KLK3: variants seen among roughly 807,000 people sequenced by gnomAD.
The protein encoded by KLK3 is kallikrein related peptidase 3.
KLK3 carries 23 observed loss-of-function variants against 27.7 expected under a neutral mutation model. The observed-to-expected ratio is 0.83, with a 90% confidence interval of 0.60 to 1.17. The LOEUF is 1.17. Among genes scored for constraint, KLK3 ranks in the 50% most tolerant of loss-of-function variants. The pLI is 0.00. For missense variants in KLK3, 322 were observed against 338.1 expected (o/e 0.95, Z 0.37); for synonymous variants, 142 against 134.2 (o/e 1.06, Z -0.40).
Position 50,860,695 on chromosome 19 carries a change from C to T in KLK3, c.*568C>T, listed in dbSNP as rs2090180361. The T allele has an allele frequency of 6.6e-6, 1 of 152,166 alleles. No homozygotes were observed. The highest frequency in any genetic ancestry group is 2.1e-4 in the South Asian group (1 of 4,818). 9.4% of individuals were successfully genotyped at this position (152,166 alleles called of 1,614,324 possible). On this transcript the variant is annotated 3_prime_UTR_variant, in exon 5 of 5. Coordinates refer to ENST00000326003, the MANE Select transcript of KLK3 (RefSeq NM_001648.2). ...ACTATGGGGGGAGGTGTATTGAAGT[C>T]CTCCAGACAACCCTCAGATTTGATG...
chr19:50,858,341 C>T lies in KLK3; in HGVS notation c.493+26C>T, dbSNP rs3180905. The T allele has an allele frequency of 1.0e-3, 1,679 of 1,605,636 alleles. 14 individuals carry two copies. The African/African-American group carries it at 0.019, about 18-fold the overall frequency. ...GTACGCCTGGGCCAGATGGTGCAGC[C>T]GGGAGCCCAGATGCCTGGGTCTGAG... is the stretch of plus-strand genomic sequence containing the variant. On this transcript the variant is annotated intron_variant, in intron 3 of 4. Transcript: ENST00000326003.
At chr19:50,856,144 G>A in intron 1 of KLK3, 96 bp from the exon 2 acceptor site, 1 of 1,122,598 alleles carries the variant, frequency 8.9e-7, no homozygotes, top group South Asian at 1.4e-5. Context: ...CTGCCCCCGT[G>A]TCTTTTCAAA....
In KLK3 at chr19:50,860,021, C is replaced by T. The variant is rs138882542; in HGVS notation, c.680C>T (p.Thr227Met). Residue 227 changes from threonine to methionine, a missense_variant, in exon 5 of 5, where the codon ACG (threonine) becomes ATG (methionine). Physicochemically the swap from Thr to Met is moderately conservative, Grantham distance 81. Transcript: ENST00000326003. ...LVCNGVLQGITSWGSEPCALP... is the reference protein window; with the variant it reads ...LVCNGVLQGIMSWGSEPCALP... The stretch of plus-strand genomic sequence containing the variant: ...TGTAATGGTGTGCTTCAAGGTATCA[C>T]GTCATGGGGCAGTGAACCATGTGCC... 5.3e-4 allele frequency: 853 copies of T among 1,614,092 alleles called. 4 individuals carry two copies. The highest frequency in any genetic ancestry group is 1.2e-3 in the South Asian group (109 of 91,084).
intron 2 of KLK3, chr19:50,856,836 C>T (rs112526646): frequency 0.012 from 1,895 of 160,664 alleles, 62 homozygotes; most frequent in Admixed American, 0.07. Context: ...ACTGAGCACA[C>T]GCATGGGATG....
At chr19:50,858,773 A>G (rs2090166110) in intron 4 of KLK3, 178 bp downstream of exon 4, 2 of 678,492 alleles carry the variant, frequency 2.9e-6, no homozygotes, top group Admixed American at 2.8e-5. Flanking sequence ...CCTCAAGGCA[A>G]TAGGTTATTC....
In KLK3 at chr19:50,860,354, T is replaced by C; in HGVS notation, c.*227T>C. ...CTGGCCATGCCTGGAGACATATCACTCAATTTCTCTGAGGACACAGATAGG... is the reference window on the plus strand; with the variant it reads ...CTGGCCATGCCTGGAGACATATCACCCAATTTCTCTGAGGACACAGATAGG... On this transcript the variant is annotated 3_prime_UTR_variant, in exon 5 of 5. Transcript: ENST00000326003. The C allele has an allele frequency of 2.3e-6, 1 of 433,988 alleles. No individual in the cohort carries two copies. Among genetic ancestry groups the C allele is most frequent in the Non-Finnish European group, 4.2e-6 (1 of 240,660 alleles). The allele number at this position is 433,988 out of a possible 1,614,324, so 26.9% of individuals were successfully genotyped here.
rs768134516 is a variant in KLK3, at chr19:50,858,056, C to T, written c.234C>T (p.His78=). The T allele has an allele frequency of 3.7e-6, 6 of 1,612,964 alleles. No homozygotes were observed. The highest frequency in any genetic ancestry group is 5.1e-6 in the Non-Finnish European group (6 of 1,179,818). The change falls in exon 3 of 5, where the codon CAC becomes CAT. Residue 78 remains histidine, a synonymous_variant. Coordinates refer to ENST00000326003, the MANE Select transcript of KLK3 (RefSeq NM_001648.2). Reference sequence around the variant, plus strand: ...AAAGCGTGATCTTGCTGGGTCGGCACAGCCTGTTTCATCCTGAAGACACAG... The same window carrying T: ...AAAGCGTGATCTTGCTGGGTCGGCATAGCCTGTTTCATCCTGAAGACACAG... ...RNKSVILLGR[H]SLFHPEDTGQ... is the part of the protein sequence containing the mutation.
intron 4 of KLK3, chr19:50,858,996 G>A: frequency 3.0e-6 from 1 of 332,498 alleles, no homozygotes; most frequent in Non-Finnish European, 5.5e-6. Flanking sequence ...CAGGCTCTCG[G>A]GGAGGGAGAA....
intron 1 of KLK3, chr19:50,855,409 C>A (rs2123455974): frequency 5.5e-6 from 1 of 183,184 alleles, no homozygotes; most frequent in Non-Finnish European, 1.1e-5. Context: ...AGTCTACTGA[C>A]TTTTCCCATT....
chr19:50,860,176 A>G lies in KLK3; in HGVS notation c.*49A>G. ...TAGTAAACTTGGAACCTTGGAAATG[A>G]CCAGGCCAAGACTCAAGCCTCCCCA... On this transcript the variant is annotated 3_prime_UTR_variant, in exon 5 of 5. Transcript: ENST00000326003. The G allele has an allele frequency of 6.8e-7, 1 of 1,473,882 alleles. No homozygotes were observed. Among genetic ancestry groups the G allele is most frequent in the South Asian group, 1.2e-5 (1 of 83,840 alleles). The allele number at this position is 1,473,882 out of a possible 1,614,324, so 91.3% of individuals were successfully genotyped here.
Position 50,860,434 on chromosome 19 carries a change from C to T in KLK3, c.*307C>T, listed in dbSNP as rs1300594678. 6.3e-5 allele frequency: 16 copies of T among 253,468 alleles called. No homozygotes were observed. In the East Asian group the frequency reaches 1.2e-3, roughly 20 times the overall value. The allele number at this position is 253,468 out of a possible 1,614,324, so 15.7% of individuals were successfully genotyped here. ...AGAGATGAAAGAGGGGTGGGATCCA[C>T]ACTGAGAGAGTGGAGAGTGACATGT... On this transcript the variant is annotated 3_prime_UTR_variant, in exon 5 of 5. Transcript: ENST00000326003.
Position 50,856,404 on chromosome 19 carries a change from G to A in KLK3, c.206+5G>A, listed in dbSNP as rs766895590. ...AGCTGCCCACTGCATCAGGAAGTGA[G>A]TAGGGGCCTGGGGTCTGGGGAGCAG... On this transcript the variant is annotated splice_donor_5th_base_variant and intron_variant, in intron 2 of 4. Coordinates refer to ENST00000326003, the MANE Select transcript of KLK3 (RefSeq NM_001648.2). 6.2e-7 allele frequency: 1 copy of A among 1,613,356 alleles called. No individual in the cohort carries two copies. Among genetic ancestry groups the A allele is most frequent in the Non-Finnish European group, 8.5e-7 (1 of 1,179,700 alleles).
In KLK3 at chr19:50,858,525, T is replaced by C; in HGVS notation, c.560T>C (p.Val187Ala). Residue 187 changes from valine (V) to alanine (A), a missense_variant, in exon 4 of 5, where the codon GTT becomes GCT. Transcript: ENST00000326003. ...ATTTCCAATGACGTGTGTGCGCAAGTTCACCCTCAGAAGGTGACCAAGTTC... is the reference window on the plus strand; with the variant it reads ...ATTTCCAATGACGTGTGTGCGCAAGCTCACCCTCAGAAGGTGACCAAGTTC... ...HVISNDVCAQ[V>A]HPQKVTKFML... is the part of the protein sequence containing the mutation. 2 of 1,614,188 alleles carry C rather than the reference T, an allele frequency of 1.2e-6. No homozygotes were observed. Among genetic ancestry groups the C allele is most frequent in the South Asian group, 1.1e-5 (1 of 91,078 alleles).
chr19:50,857,996 C>T (rs746688895), intron 2 of KLK3, 33 bp from the exon 3 acceptor site: 541 of 1,575,838 alleles, frequency 3.4e-4, no homozygotes, highest in Non-Finnish European at 4.2e-4. Flanking sequence ...TTATCATCCT[C>T]GCTCCTCATT....
intron 2 of KLK3, chr19:50,857,812 C>T: frequency 9.1e-6 from 5 of 547,654 alleles, no homozygotes; most frequent in Non-Finnish European, 9.6e-6. Flanking sequence ...TTCCTTTTTC[C>T]CTTGGTTTCT....
intron 2 of KLK3, 181 bp downstream of exon 2, chr19:50,856,580 G>T (rs1165463405): frequency 4.8e-6 from 3 of 622,002 alleles, no homozygotes; most frequent in Non-Finnish European, 8.2e-6. Flanking sequence ...ATGGCTGCCT[G>T]GGTCTCCATC....
Position 50,857,747 on chromosome 19 carries a change from T to C in KLK3, c.207-282T>C, listed in dbSNP as rs1324500111. 8.5e-6 allele frequency: 3 copies of C among 353,012 alleles called. No individual in the cohort carries two copies. The East Asian group carries it at 1.4e-4, about 17-fold the overall frequency. 21.9% of individuals were successfully genotyped at this position (353,012 alleles called of 1,614,324 possible). A position where few individuals can be genotyped will look rare whatever the true frequency, so the allele number is the denominator to read the frequency against. On this transcript the variant is annotated intron_variant, in intron 2 of 4. Coordinates refer to ENST00000326003, the MANE Select transcript of KLK3 (RefSeq NM_001648.2). ...TCATCCTGTGTATTTTCGGCTCACCTTGTTTGTCACTGTTCTCCCCTCTGC... is the reference window on the plus strand; with the variant it reads ...TCATCCTGTGTATTTTCGGCTCACCCTGTTTGTCACTGTTCTCCCCTCTGC...
chr19:50,860,262 G>T lies in KLK3; in HGVS notation c.*135G>T. On this transcript the variant is annotated 3_prime_UTR_variant, in exon 5 of 5. Coordinates refer to ENST00000326003, the MANE Select transcript of KLK3 (RefSeq NM_001648.2). ...GGGTTGCTAGGAAAAGAAATCAGCA[G>T]ACACAGGTGTAGACCAGAGTGTTTC... 1 of 682,734 alleles carries T rather than the reference G, an allele frequency of 1.5e-6. No individual in the cohort carries two copies. Among genetic ancestry groups the T allele is most frequent in the East Asian group, 2.6e-5 (1 of 38,744 alleles). 42.3% of individuals were successfully genotyped at this position (682,734 alleles called of 1,614,324 possible). A position where few individuals can be genotyped will look rare whatever the true frequency, so the allele number is the denominator to read the frequency against.
chr19:50,856,471 A>G, intron 2 of KLK3, 72 bp downstream of exon 2: 1 of 1,554,354 alleles, frequency 6.4e-7, no homozygotes, highest in Non-Finnish European at 8.7e-7. Context: ...CATTTTCCCC[A>G]GGATAACCTC....
Sources: allele counts gnomAD v4.1 joint callset, GRCh38; gene constraint gnomAD v4.1.1; transcripts MANE v1.5; gene names NCBI Gene and HGNC (gene_info 2026-07-23, HGNC 2026-07-21).